Variants in MOK observed in about 807,000 individuals in gnomAD.
MOK encodes MAPK/MAK/MRK overlapping kinase.
MOK carries 59 observed loss-of-function variants against 54.2 expected under a neutral mutation model. The ratio of observed to expected loss-of-function variants is 1.09; its 90% CI spans 0.88 to 1.35. The LOEUF (loss-of-function observed/expected upper bound fraction) is 1.35. Among genes scored for constraint, MOK ranks in the 40% most tolerant of loss-of-function variants. The probability of loss-of-function intolerance (pLI) is 0.00; values close to 1 mark genes in which losing one functional copy is unlikely to be tolerated. For missense variants in MOK, 517 were observed against 526.2 expected, an observed-to-expected ratio of 0.98 and a Z score of 0.17; for synonymous variants, 210 against 202.7, an observed-to-expected ratio of 1.04 and a Z score of -0.31.
chr14:102,261,024 G>A (rs987451711), intron 4 of MOK, among the ~76,000 whole-genome samples: 8 of 151,926 alleles, frequency 5.3e-5, no homozygotes, highest in Non-Finnish European at 1.0e-4. Context: ...TTGGGAGGCC[G>A]AGACAGGCAG....
intron 2 of MOK, among the ~76,000 whole-genome samples, chr14:102,269,495 C>T (rs1029553606): frequency 1.2e-4 from 16 of 134,976 alleles, no homozygotes; most frequent in Non-Finnish European, 2.2e-4. Context: ...TTTTGTGAGA[C>T]GGAGTCTTGC....
chr14:102,294,539 C>T (rs1347030731), intron 1 of MOK, among the ~76,000 whole-genome samples: 2 of 151,762 alleles, frequency 1.3e-5, no homozygotes, highest in Admixed American at 6.6e-5. Flanking sequence ...CCTCTGAGCC[C>T]GGGAAGTCAA....
chr14:102,271,181 T>C (rs1455024153), intron 2 of MOK, among the ~76,000 whole-genome samples: 1 of 152,198 alleles, frequency 6.6e-6, no homozygotes, highest in Non-Finnish European at 1.5e-5. Flanking sequence ...CGAGACTCCA[T>C]CTCAAAAGAA....
intron 7 of MOK, among the ~76,000 whole-genome samples, chr14:102,237,485 T>C (rs1204069200): frequency 1.3e-5 from 2 of 152,182 alleles, no homozygotes; most frequent in Non-Finnish European, 2.9e-5. Flanking sequence ...TTCCTAGAAC[T>C]AGCAGGCTTT....
intron 7 of MOK, among the ~76,000 whole-genome samples, chr14:102,241,677 T>TA (rs2153098381): frequency 6.6e-6 from 1 of 152,250 alleles, no homozygotes; most frequent in Admixed American, 6.5e-5. Flanking sequence ...CTCCAAAAAT[T>TA]AGATTCCGGC....
downstream of MOK, among the ~76,000 whole-genome samples, chr14:102,219,605 G>A (rs984920913): frequency 1.3e-5 from 2 of 152,306 alleles, no homozygotes; most frequent in Non-Finnish European, 2.9e-5. Flanking sequence ...TTTCCCCTTT[G>A]CTCTGACGGG....
In MOK at chr14:102,250,918, T is replaced by C. The variant is rs776882507; in HGVS notation, c.484A>G (p.Ile162Val). 1.9e-6 allele frequency: 3 copies of C among 1,613,972 alleles called. No individual in the cohort carries two copies. Among genetic ancestry groups the C allele is most frequent in the South Asian group, 1.1e-5 (1 of 91,090 alleles). ...VYSKQPYTEY[I>V]STRWYRAPEC... ...GGGGCCCGGTACCAGCGGGTGGAGA[T>C]GTATTCCGTGTACGGCTGCTTGGAA... Residue 162 changes from isoleucine (I) to valine (V), a missense_variant, in exon 7 of 12, where the codon ATC becomes GTC. By Grantham distance (29) the Ile-to-Val change is conservative. Coordinates refer to ENST00000361847, the MANE Select transcript of MOK (RefSeq NM_014226.3).
intron 4 of MOK, chr14:102,260,503 A>G (rs1172830130): frequency 6.6e-6 from 1 of 152,138 alleles, no homozygotes; most frequent in Non-Finnish European, 1.5e-5. Context: ...ATTCTAGGAC[A>G]GGCTTTTTTT....
At chr14:102,248,739 C>T (rs2066292992) in intron 7 of MOK, among the ~76,000 whole-genome samples, 2 of 144,492 alleles carry the variant, frequency 1.4e-5, no homozygotes, top group Non-Finnish European at 3.0e-5. Flanking sequence ...GATCGCGCCA[C>T]TGCACTCCAG....
rs117687332 is a variant in MOK at position 102,292,123 on chromosome 14, A to G, written c.8-8531T>C. On this transcript the variant is annotated intron_variant, in intron 1 of 11. Transcript: ENST00000361847. ...CCCTAATTTTAGGTCCTTTCCTTAT[A>G]AAAGAGGGAGGGAGGAAATGGAACA... Among the ~76,000 whole-genome samples the G allele has an allele frequency of 7.2e-3, 1,090 of 152,222 alleles. 7 individuals carry two copies. The highest frequency in any genetic ancestry group is 0.012 in the Non-Finnish European group (785 of 68,010).
chr14:102,251,084 T>C (rs1347525732), intron 6 of MOK, 94 bp from the exon 7 acceptor site: 1 of 1,340,830 alleles, frequency 7.5e-7, no homozygotes, highest in East Asian at 2.3e-5. Context: ...GCAGGAAAAT[T>C]ACTAGCATCT....
At chr14:102,220,183 T>TG (rs2063728030), downstream of MOK, among the ~76,000 whole-genome samples, 1 of 152,132 alleles carries the variant, frequency 6.6e-6, no homozygotes, top group African/African-American at 2.4e-5. This position sits in a 1 kb window ranked among gnomAD's most constrained non-coding sequence, Gnocchi z 4.2. Context: ...CGCCCTCCCC[T>TG]GGGAGTGATG....
chr14:102,214,667 TTGAG>T, the MOK span: 1 of 984,338 alleles, frequency 1.0e-6, no homozygotes, highest in Non-Finnish European at 1.2e-6. Context: ...TATGGATATT[TTGAG>T]TGAAAATCAA....
the MOK span, chr14:102,214,686 A>G: frequency 1.0e-6 from 1 of 983,140 alleles, no homozygotes. Flanking sequence ...AATCAAAAGT[A>G]AAATTCACAT....
intron 4 of MOK, among the ~76,000 whole-genome samples, chr14:102,253,402 AG>A (rs2066688225): frequency 6.6e-6 from 1 of 152,368 alleles, no homozygotes; most frequent in East Asian, 1.9e-4. Context: ...GAGGCCTTCC[AG>A]GACGCTGTCC....
chr14:102,284,369 T>C (rs543055236), intron 1 of MOK, among the ~76,000 whole-genome samples: 2 of 152,132 alleles, frequency 1.3e-5, no homozygotes, highest in African/African-American at 4.8e-5. Flanking sequence ...CTGCCTTTCA[T>C]GGACCCAGTG....
At chr14:102,222,774 G>T, downstream of MOK, 1 of 1,605,026 alleles carries the variant, frequency 6.2e-7, no homozygotes, top group South Asian at 1.1e-5. The surrounding 1 kb of genome is among the most constrained non-coding windows in gnomAD (Gnocchi z 4.4). Context: ...GGCGCGCATG[G>T]TGGCTGTTGC....
rs1257717484 is a variant in MOK, at chr14:102,238,243, T to G, written c.591-4454A>C. Reference sequence around the variant, plus strand: ...AGCTAAGCCCCTACCTCCAGGAACCTCCTCTCAAAAAGCAGAATTCATAGC... The same window carrying G: ...AGCTAAGCCCCTACCTCCAGGAACCGCCTCTCAAAAAGCAGAATTCATAGC... On this transcript the variant is annotated intron_variant, in intron 7 of 11. Coordinates refer to ENST00000361847, the MANE Select transcript of MOK (RefSeq NM_014226.3). This position sits in a 1 kb window ranked among gnomAD's most constrained non-coding sequence, Gnocchi z 4.8. 1.3e-5 allele frequency: 2 copies of G among 152,234 alleles called. No individual in the cohort carries two copies. The highest frequency in any genetic ancestry group is 1.3e-4 in the Admixed American group (2 of 15,280). The allele number at this position is 152,234 out of a possible 1,614,324, so 9.4% of individuals were successfully genotyped here.
At chr14:102,304,717 G>C (rs2072588818) in intron 1 of MOK, among the ~76,000 whole-genome samples, 1 of 152,158 alleles carries the variant, frequency 6.6e-6, no homozygotes, top group African/African-American at 2.4e-5. Context: ...AACTCGAGTC[G>C]GCTCTCCGAG....
Sources: gnomAD v4.1 joint callset for allele counts (sites outside exome capture counted in the v4.1 genomes callset) on GRCh38, gnomAD v4.1.1 for gene constraint, Gnocchi (gnomAD v3.1) non-coding constraint, MANE v1.5 for transcripts, NCBI Gene and HGNC (gene_info 2026-07-23, HGNC 2026-07-21) for gene names.